PACS1: variants seen among roughly 807,000 people sequenced by gnomAD.
PACS1 encodes the protein phosphofurin acidic cluster sorting protein 1.
Under a neutral mutation model 115.0 loss-of-function variants are expected in PACS1, and 24 were observed. The ratio of observed to expected loss-of-function variants is 0.21; its 90% CI spans 0.15 to 0.29. PACS1 has a LOEUF of 0.29. Ranked by LOEUF, PACS1 falls within the 10% of genes least tolerant of loss-of-function variation. The pLI, the probability that PACS1 is intolerant of heterozygous loss-of-function variation, is 1.00. For synonymous variants in PACS1, 453 were observed against 504.5 expected (o/e 0.90, Z 1.37); for missense variants, 838 against 1,251.2 (o/e 0.67, Z 4.98).
At chr11:66,081,780 T>A (rs1159201480) in intron 1 of PACS1, among the ~76,000 whole-genome samples, 1 of 152,212 alleles carries the variant, frequency 6.6e-6, no homozygotes, top group East Asian at 1.9e-4. Flanking sequence ...GAAGAGCAAC[T>A]GAACCGGTTT....
chr11:66,093,384 G>A (rs1251942716), intron 1 of PACS1, among the ~76,000 whole-genome samples: 3 of 148,576 alleles, frequency 2.0e-5, no homozygotes, highest in African/African-American at 7.5e-5. Flanking sequence ...AAAAAAGGCA[G>A]GGGTTGCAAT....
intron 1 of PACS1, among the ~76,000 whole-genome samples, chr11:66,145,258 G>A (rs1421064849): frequency 9.2e-5 from 14 of 152,172 alleles, no homozygotes; most frequent in Admixed American, 9.2e-4. Context: ...ATGGTAGGGG[G>A]TTACTCCCAT....
Position 66,235,663 on chromosome 11 carries a change from G to A in PACS1, c.2208-235G>A, listed in dbSNP as rs933859461. 6 of 611,470 alleles carry A rather than the reference G, an allele frequency of 9.8e-6. No individual in the cohort carries two copies. The African/African-American group carries it at 1.1e-4, about 11-fold the overall frequency. 37.9% of individuals were successfully genotyped at this position (611,470 alleles called of 1,614,324 possible). A position where few individuals can be genotyped will look rare whatever the true frequency, so the allele number is the denominator to read the frequency against. ...AGCCCATCCTCATAGCTGGAACTCA[G>A]ACGTGGGAAGCAGGGAGCGTAGCTT... On this transcript the variant is annotated intron_variant, in intron 18 of 23. Coordinates refer to ENST00000320580, the MANE Select transcript of PACS1 (RefSeq NM_018026.4). This position sits in a 1 kb window ranked among gnomAD's most constrained non-coding sequence, Gnocchi z 5.6.
At chr11:66,199,924 C>T (rs539495399) in intron 2 of PACS1, among the ~76,000 whole-genome samples, 1 of 152,016 alleles carries the variant, frequency 6.6e-6, no homozygotes, top group South Asian at 2.1e-4. Flanking sequence ...GAGGCTGAGG[C>T]AGGAGAATCG....
chr11:66,241,226 C>A, intron 21 of PACS1: 1 of 541,832 alleles, frequency 1.8e-6, no homozygotes, highest in Non-Finnish European at 3.3e-6. Context: ...GTGACTTGGG[C>A]CTTTATTCTC....
At chr11:66,157,651 A>G (rs915897253) in intron 1 of PACS1, among the ~76,000 whole-genome samples, 2 of 152,128 alleles carry the variant, frequency 1.3e-5, no homozygotes, top group Non-Finnish European at 2.9e-5. Flanking sequence ...TGAAGTCTGC[A>G]TATTCAGCCA....
intron 2 of PACS1, among the ~76,000 whole-genome samples, chr11:66,194,741 T>A (rs1223771303): frequency 1.3e-5 from 2 of 152,178 alleles, no homozygotes; most frequent in African/African-American, 4.8e-5. Flanking sequence ...GCAAACTGTA[T>A]GATAACTCCC....
At chr11:66,167,304 T>C (rs1313356489) in intron 1 of PACS1, among the ~76,000 whole-genome samples, 1 of 149,028 alleles carries the variant, frequency 6.7e-6, no homozygotes, top group Non-Finnish European at 1.5e-5. Context: ...GGAGTTTCAG[T>C]CTTCTCTGGG....
chr11:66,216,404 TC>T (rs1855210471), intron 5 of PACS1, 115 bp from the exon 6 acceptor site: 9 of 1,399,496 alleles, frequency 6.4e-6, no homozygotes, highest in Non-Finnish European at 9.0e-6. Context: ...GCCCTGGCCC[TC>T]CCCTCCACCC....
At chr11:66,171,358 G>A (rs1274755326) in intron 1 of PACS1, among the ~76,000 whole-genome samples, 1 of 149,966 alleles carries the variant, frequency 6.7e-6, no homozygotes, top group Non-Finnish European at 1.5e-5. Flanking sequence ...AGTAGGTTTT[G>A]TTTTATAAAT....
At position 66,235,793 on chromosome 11, in the gene PACS1, A is replaced by G. The variant is rs1855693042; in HGVS notation, c.2208-105A>G. 1.0e-6 allele frequency: 1 copy of G among 975,978 alleles called. No homozygotes were observed. 60.5% of individuals were successfully genotyped at this position (975,978 alleles called of 1,614,324 possible). A position where few individuals can be genotyped will look rare whatever the true frequency, so the allele number is the denominator to read the frequency against. On this transcript the variant is annotated intron_variant, in intron 18 of 23. Transcript: ENST00000320580. This position sits in a 1 kb window ranked among gnomAD's most constrained non-coding sequence, Gnocchi z 5.6. ...ATGTGATGGGCAGAGGCAGCCCAGC[A>G]TCCTGGACTCTGCTGCAGCCACAGT...
chr11:66,232,824 C>T (rs1855625519), intron 14 of PACS1, 136 bp from the exon 15 acceptor site: 3 of 682,572 alleles, frequency 4.4e-6, no homozygotes, highest in South Asian at 3.6e-5. Context: ...GACCTGGCTG[C>T]CTTTGCCCAG....
rs372728450 is a variant in PACS1 at position 66,133,444 on chromosome 11, A to G, written c.357-60042A>G. 7.9e-5 allele frequency among the ~76,000 whole-genome samples: 12 copies of G among 152,264 alleles called. No homozygotes were observed. In the South Asian group the frequency reaches 1.2e-3, roughly 16 times the overall value. Reference sequence around the variant, plus strand: ...ATGCTTGGGGCAAAGGATCTTGCCAACCTCGATGCAGGTCACTGGAACAGC... The same window carrying G: ...ATGCTTGGGGCAAAGGATCTTGCCAGCCTCGATGCAGGTCACTGGAACAGC... On this transcript the variant is annotated intron_variant, in intron 1 of 23. Coordinates refer to ENST00000320580, the MANE Select transcript of PACS1 (RefSeq NM_018026.4).
At chr11:66,083,373 ATCTC>A (rs758687100) in intron 1 of PACS1, among the ~76,000 whole-genome samples, 1 of 152,188 alleles carries the variant, frequency 6.6e-6, no homozygotes, top group Non-Finnish European at 1.5e-5. Context: ...AGGTAGTCCT[ATCTC>A]TCCTTTTAAA....
intron 1 of PACS1, among the ~76,000 whole-genome samples, chr11:66,167,428 G>A (rs1054291616): frequency 1.4e-5 from 2 of 140,598 alleles, no homozygotes; most frequent in Admixed American, 7.3e-5. Flanking sequence ...TTGAACTCCC[G>A]GCCTCAACTG....
chr11:66,149,303 G>A (rs1274746935), intron 1 of PACS1, among the ~76,000 whole-genome samples: 1 of 151,850 alleles, frequency 6.6e-6, no homozygotes, highest in African/African-American at 2.4e-5. Context: ...CGTTGGTCAG[G>A]CTGGTCTCGA....
At chr11:66,082,786 C>T (rs982779203) in intron 1 of PACS1, among the ~76,000 whole-genome samples, 2 of 152,158 alleles carry the variant, frequency 1.3e-5, no homozygotes, top group African/African-American at 4.8e-5. Flanking sequence ...ACCCGAGAGG[C>T]AGAGGTTGCA....
At chr11:66,133,937 A>T (rs1294343995) in intron 1 of PACS1, among the ~76,000 whole-genome samples, 1 of 152,240 alleles carries the variant, frequency 6.6e-6, no homozygotes, top group African/African-American at 2.4e-5. Context: ...GTCCTGGCTA[A>T]GTGTGATACT....
chr11:66,193,412 G>A (rs984659758), intron 1 of PACS1, 74 bp from the exon 2 acceptor site: 134 of 1,007,620 alleles, frequency 1.3e-4, no homozygotes, highest in Non-Finnish European at 2.0e-4. Context: ...AAGGCAGATT[G>A]CCTAACCAAT....
Sources: allele counts gnomAD v4.1 joint callset (sites outside exome capture counted in the v4.1 genomes callset), GRCh38; gene constraint gnomAD v4.1.1; non-coding constraint Gnocchi (gnomAD v3.1); transcripts MANE v1.5; gene names NCBI Gene and HGNC (gene_info 2026-07-23, HGNC 2026-07-21).